Variants in DAB2IP observed in about 807,000 individuals in gnomAD.
The protein encoded by DAB2IP is DAB2 interacting protein.
DAB2IP carries 28 observed loss-of-function variants against 107.2 expected under a neutral mutation model. The observed-to-expected ratio is 0.26, with a 90% CI of 0.19 to 0.36. The LOEUF (loss-of-function observed/expected upper bound fraction) is 0.36, where lower values mean the gene tolerates loss of function less well. DAB2IP is among the 10% of genes least tolerant of loss of function. The pLI is 1.00. For missense variants in DAB2IP, 1,400 were observed against 1,644.7 expected (o/e 0.85, Z 2.57); for synonymous variants, 755 against 706.4 (o/e 1.07, Z -1.09).
At chr9:121,642,296 A>G (rs1832382649) in intron 1 of DAB2IP, among the ~76,000 whole-genome samples, 1 of 151,270 alleles carries the variant, frequency 6.6e-6, no homozygotes, top group African/African-American at 2.4e-5. Context: ...GCTGGAGTGC[A>G]GTCGTGCAAT....
chr9:121,768,525 C>T (rs750732149), exon 10 of DAB2IP: 57 of 1,614,126 alleles, frequency 3.5e-5, no homozygotes, highest in Non-Finnish European at 4.7e-5. Context: ...AGATCTCCAA[C>T]CCCGAGACCC....
chr9:121,732,693 C>T (rs781160429), intron 3 of DAB2IP, among the ~76,000 whole-genome samples: 10 of 152,242 alleles, frequency 6.6e-5, no homozygotes, highest in South Asian at 4.2e-4. Flanking sequence ...AGCTCAGACC[C>T]GAGGGACAGG....
chr9:121,576,395 C>T (rs1054881791), intron 1 of DAB2IP, among the ~76,000 whole-genome samples: 2 of 152,016 alleles, frequency 1.3e-5, no homozygotes, highest in African/African-American at 4.8e-5. Context: ...TTACCGCTGC[C>T]TGAAACACTC....
chr9:121,783,133 A>T (rs1213546345), exon 16 of DAB2IP: 1 of 350,692 alleles, frequency 2.9e-6, no homozygotes, highest in African/African-American at 2.8e-5. Flanking sequence ...CTACCCACCC[A>T]CCCCCTCTGA....
chr9:121,624,886 G>C (rs1029266943), intron 1 of DAB2IP, among the ~76,000 whole-genome samples: 1 of 152,222 alleles, frequency 6.6e-6, no homozygotes, highest in East Asian at 1.9e-4. Context: ...TGCCAGGAAC[G>C]TAAGTCTCAA....
chr9:121,679,038 G>A (rs1828432664), intron 2 of DAB2IP, among the ~76,000 whole-genome samples: 1 of 152,200 alleles, frequency 6.6e-6, no homozygotes, highest in African/African-American at 2.4e-5. Flanking sequence ...GAAGGCTATG[G>A]GGCCCAGCGC....
chr9:121,759,015 C>A lies in DAB2IP; in HGVS notation c.615+19C>A. 6.2e-7 allele frequency: 1 copy of A among 1,600,924 alleles called. No individual in the cohort carries two copies. The highest frequency in any genetic ancestry group is 8.5e-7 in the Non-Finnish European group (1 of 1,173,282). ...CAACAAGGTAAGCCTGCGCCCCTCTCACCAAAGCATGGGGGATTGAAGGTA... is the reference window on the plus strand; with the variant it reads ...CAACAAGGTAAGCCTGCGCCCCTCTAACCAAAGCATGGGGGATTGAAGGTA... On this transcript the variant is annotated intron_variant, in intron 5 of 15. Coordinates refer to ENST00000408936, the Ensembl canonical transcript of DAB2IP.
At chr9:121,630,202 A>C (rs1005294229) in intron 1 of DAB2IP, among the ~76,000 whole-genome samples, 1 of 152,208 alleles carries the variant, frequency 6.6e-6, no homozygotes, top group African/African-American at 2.4e-5. Context: ...CTTCAAAATT[A>C]CAATAGTTAT....
At chr9:121,577,637 G>T (rs57911563) in intron 1 of DAB2IP, among the ~76,000 whole-genome samples, 3,054 of 152,302 alleles carry the variant, frequency 0.02, 103 homozygotes, top group African/African-American at 0.067. Context: ...GGCTGGGGGT[G>T]GCTGTCCCAC....
chr9:121,713,627 TG>T lies in DAB2IP; in HGVS notation c.362+14170del, dbSNP rs1830445588. Reference sequence around the variant, plus strand: ...GCAGGGCAGGGGGTTCCAGCTGGCTTGTCTTTCTCCAGGCCTTCCTGAGAGT... The same window carrying T: ...GCAGGGCAGGGGGTTCCAGCTGGCTTTCTTTCTCCAGGCCTTCCTGAGAGT... On this transcript the variant is annotated intron_variant, in intron 3 of 15. Transcript: ENST00000408936. Among the ~76,000 whole-genome samples the T allele has an allele frequency of 5.3e-5, 8 of 152,216 alleles. No homozygotes were observed. In the South Asian group the frequency reaches 1.7e-3, roughly 32 times the overall value.
intron 1 of DAB2IP, among the ~76,000 whole-genome samples, chr9:121,670,715 T>C (rs1019121976): frequency 6.6e-6 from 1 of 152,184 alleles, no homozygotes; most frequent in Non-Finnish European, 1.5e-5. Context: ...CTCTTCCACA[T>C]TTAAGAATGC....
In DAB2IP at chr9:121,591,964, TGTGGG is replaced by T. The variant is rs1830429196; in HGVS notation, c.40+24739_40+24743del. Among the ~76,000 whole-genome samples the T allele has an allele frequency of 2.0e-5, 3 of 152,262 alleles. No homozygotes were observed. The South Asian group carries it at 6.2e-4, about 32-fold the overall frequency. On this transcript the variant is annotated intron_variant, in intron 1 of 16. Coordinates refer to the DAB2IP transcript ENST00000259371. ...TAAGATGGAAGGGAACAGAAGTTTC[TGTGGG>T]GTTAAGTATTGCCAAGAGATCAGGA... is the stretch of plus-strand genomic sequence containing the variant.
chr9:121,650,487 C>T (rs777608962), upstream of DAB2IP, among the ~76,000 whole-genome samples: 8 of 152,220 alleles, frequency 5.3e-5, no homozygotes, highest in Non-Finnish European at 8.8e-5. Context: ...GATCCCCTAG[C>T]CGGCCTCAGG....
At chr9:121,724,090 C>T (rs186196955) in intron 3 of DAB2IP, among the ~76,000 whole-genome samples, 4 of 152,068 alleles carry the variant, frequency 2.6e-5, no homozygotes, top group Non-Finnish European at 2.9e-5. Context: ...CTCATGCTGG[C>T]GCTTGAGGTG....
rs143160994 is a variant in DAB2IP at position 121,625,376 on chromosome 9, C to T, written c.41-53302C>T. On this transcript the variant is annotated intron_variant, in intron 1 of 16. Coordinates refer to the DAB2IP transcript ENST00000259371. ...CGCCTCAGCCCCCGAGTAGCTGAGA[C>T]TACAGGTGCGCACCATCATACCTGG... is the stretch of plus-strand genomic sequence containing the variant. Among the ~76,000 whole-genome samples, 696 of 151,788 alleles carry T rather than the reference C, an allele frequency of 4.6e-3. 8 individuals are homozygous for T. The highest frequency in any genetic ancestry group is 0.016 in the African/African-American group (672 of 41,398).
chr9:121,708,402 G>A (rs992687952), intron 3 of DAB2IP, among the ~76,000 whole-genome samples: 27 of 152,198 alleles, frequency 1.8e-4, no homozygotes, highest in Non-Finnish European at 3.2e-4. Context: ...TCCCTCCTCA[G>A]AGAAGTAGCA....
chr9:121,784,028 A>G, exon 16 of DAB2IP: 1 of 198,044 alleles, frequency 5.0e-6, no homozygotes, highest in Non-Finnish European at 1.1e-5. Flanking sequence ...TGAAGGGTGG[A>G]TGTGCTGGAG....
chr9:121,656,238 C>T (rs1202446695), intron 1 of DAB2IP, among the ~76,000 whole-genome samples: 2 of 152,084 alleles, frequency 1.3e-5, no homozygotes, highest in East Asian at 3.9e-4. Flanking sequence ...GAACTCCCAG[C>T]CTCAGGTGAT....
At chr9:121,757,296 T>A in intron 4 of DAB2IP, 130 bp downstream of exon 4, 1 of 1,217,296 alleles carries the variant, frequency 8.2e-7, no homozygotes, top group Non-Finnish European at 1.1e-6. Flanking sequence ...GGACAGTGGC[T>A]AGTAGTTACC....
Sources: allele counts gnomAD v4.1 joint callset (sites outside exome capture counted in the v4.1 genomes callset), GRCh38; gene constraint gnomAD v4.1.1; transcripts MANE v1.5; gene names NCBI Gene and HGNC (gene_info 2026-07-23, HGNC 2026-07-21).